Variants in EFCAB8 observed in about 807,000 individuals in gnomAD.
EFCAB8 encodes EF-hand calcium-binding domain-containing protein 8.
A neutral mutation model predicts 116.3 loss-of-function variants in EFCAB8; 100 were observed. The ratio of observed to expected loss-of-function variants is 0.86; its 90% CI spans 0.73 to 1.02. The LOEUF is 1.02. Among genes scored for constraint, EFCAB8 ranks in the 50% least tolerant of loss-of-function variants. EFCAB8 has a pLI of 0.00. For missense variants in EFCAB8, 1,320 were observed against 1,416.9 expected (o/e 0.93, Z 1.10); for synonymous variants, 558 against 567.9 (o/e 0.98, Z 0.25).
intron 9 of EFCAB8, among the ~76,000 whole-genome samples, chr20:32,895,598 G>A (rs1986121839): frequency 6.9e-6 from 1 of 145,614 alleles, no homozygotes; most frequent in South Asian, 2.2e-4. Flanking sequence ...TTAAGGCAGA[G>A]TCTTGCTCTA....
chr20:32,887,923 A>T (rs1301925946), intron 6 of EFCAB8, among the ~76,000 whole-genome samples: 1 of 152,192 alleles, frequency 6.6e-6, no homozygotes, highest in Non-Finnish European at 1.5e-5. Flanking sequence ...GCAGATGGAA[A>T]ATAGGATTCA....
intron 5 of EFCAB8, among the ~76,000 whole-genome samples, chr20:32,879,626 A>G (rs971818154): frequency 1.3e-5 from 2 of 152,128 alleles, no homozygotes; most frequent in Non-Finnish European, 2.9e-5. Context: ...GCTAGGTTCA[A>G]TGGAGGGTGG....
intron 11 of EFCAB8, among the ~76,000 whole-genome samples, chr20:32,900,554 T>A (rs538849154): frequency 4.1e-4 from 63 of 152,074 alleles, no homozygotes; most frequent in African/African-American, 9.6e-4. Flanking sequence ...TTTCATTTTT[T>A]AATTTTTATT....
intron 19 of EFCAB8, among the ~76,000 whole-genome samples, chr20:32,919,294 G>A (rs895326698): frequency 3.0e-4 from 45 of 152,010 alleles, no homozygotes; most frequent in Non-Finnish European, 2.2e-4. Context: ...AAACACCACC[G>A]TCCCCAAACA....
At chr20:32,879,568 C>G (rs1450520808) in intron 5 of EFCAB8, among the ~76,000 whole-genome samples, 1 of 152,114 alleles carries the variant, frequency 6.6e-6, no homozygotes, top group African/African-American at 2.4e-5. Context: ...ACGGGAGCCT[C>G]TGTAGGAAAT....
At chr20:32,897,670 C>A (rs1482665781) in intron 10 of EFCAB8, among the ~76,000 whole-genome samples, 2 of 152,088 alleles carry the variant, frequency 1.3e-5, no homozygotes, top group Non-Finnish European at 2.9e-5. Context: ...ACCTTGGCCT[C>A]CCAAAGTGCT....
chr20:32,954,436 A>G (rs1204735058), intron 23 of EFCAB8, among the ~76,000 whole-genome samples: 1 of 152,126 alleles, frequency 6.6e-6, no homozygotes, highest in East Asian at 1.9e-4. Context: ...TCATTTGGCT[A>G]TATATGTGAG....
At chr20:32,893,432 C>A (rs535642074) in intron 9 of EFCAB8, 134 bp downstream of exon 9, 3 of 1,320,814 alleles carry the variant, frequency 2.3e-6, no homozygotes, top group Admixed American at 2.4e-5. Flanking sequence ...TGCTTCCAAG[C>A]GCAGGGTGCA....
chr20:32,917,453 C>T lies in EFCAB8; in HGVS notation c.2009C>T (p.Pro670Leu). ...ILFWNTGTLK[P>L]IFNFNASRSP... ...TTCTGGAACACCGGCACACTCAAGC[C>T]CATCTTCAACTTCAATGCCTCTAGG... Residue 670 changes from proline (P) to leucine (L), a missense_variant, in exon 18 of 27, where the codon CCC (proline) becomes CTC (leucine). Transcript: ENST00000400522. 1 of 1,552,146 alleles carries T rather than the reference C, an allele frequency of 6.4e-7. No individual in the cohort carries two copies. Among genetic ancestry groups the T allele is most frequent in the Non-Finnish European group, 8.7e-7 (1 of 1,147,088 alleles).
chr20:32,872,964 C>T lies in EFCAB8; in HGVS notation c.209-2962C>T, dbSNP rs180907314. ...AAAATTAGCCGAGTGTGATGGTGGG[C>T]GCCTGTAATCCCAGCTACTTGGGAG... On this transcript the variant is annotated intron_variant, in intron 3 of 26. Coordinates refer to ENST00000400522, the MANE Select transcript of EFCAB8 (RefSeq NM_001143967.2). Among the ~76,000 whole-genome samples, 469 of 148,880 alleles carry T rather than the reference C, an allele frequency of 3.2e-3. 7 individuals carry two copies. Among genetic ancestry groups the T allele is most frequent in the African/African-American group, 0.011 (445 of 40,150 alleles).
intron 11 of EFCAB8, among the ~76,000 whole-genome samples, chr20:32,901,390 A>G (rs1296524448): frequency 1.3e-5 from 2 of 152,272 alleles, no homozygotes; most frequent in African/African-American, 4.8e-5. Flanking sequence ...GTTGGGCCAC[A>G]TTCAGAGCTG....
At chr20:32,923,410 C>T (rs537125868) in intron 20 of EFCAB8, among the ~76,000 whole-genome samples, 1 of 148,128 alleles carries the variant, frequency 6.8e-6, no homozygotes, top group Non-Finnish European at 1.5e-5. Context: ...TGATTGAACC[C>T]GGGAGGCGGA....
intron 5 of EFCAB8, among the ~76,000 whole-genome samples, chr20:32,881,458 A>G (rs968572511): frequency 2.6e-5 from 4 of 152,080 alleles, no homozygotes; most frequent in African/African-American, 9.7e-5. Context: ...CGGCCTCCCA[A>G]AGTGTTGGGA....
In EFCAB8 at chr20:32,961,474, A is replaced by G; in HGVS notation, c.3732A>G (p.Pro1244=). Residue 1244 remains proline, a synonymous_variant, in exon 27 of 27, where the codon CCA becomes CCG. Transcript: ENST00000400522. The part of the protein sequence containing the change: ...ASTAHSTPSV[P]SPVSKSTLQG... ...CAGCCCATTCCACCCCCTCGGTCCC[A>G]TCCCCGGTGTCCAAGTCCACCCTGC... The G allele has an allele frequency of 6.9e-7, 1 of 1,448,640 alleles. No individual in the cohort carries two copies. The highest frequency in any genetic ancestry group is 9.1e-7 in the Non-Finnish European group (1 of 1,097,256). The allele number at this position is 1,448,640 out of a possible 1,614,324, so 89.7% of individuals were successfully genotyped here. A position where few individuals can be genotyped will look rare whatever the true frequency, so the allele number is the denominator to read the frequency against.
In EFCAB8 at chr20:32,960,122, C is replaced by T. The variant is rs1169704859; in HGVS notation, c.3354C>T (p.Phe1118=). Residue 1118 remains phenylalanine, a synonymous_variant, in exon 26 of 27, where the codon TTC becomes TTT. Transcript: ENST00000400522. ...KPKERLQNTR[F]LSTRVPYGWM... ...AGGAACGCTTGCAGAATACCAGGTT[C>T]CTGTCCACCAGGGTGCCATATGGCT... 6.4e-7 allele frequency: 1 copy of T among 1,551,740 alleles called. No individual in the cohort carries two copies. The highest frequency in any genetic ancestry group is 8.7e-7 in the Non-Finnish European group (1 of 1,146,992).
chr20:32,937,679 T>TG (rs1484248080), intron 22 of EFCAB8, among the ~76,000 whole-genome samples: 14 of 150,800 alleles, frequency 9.3e-5, no homozygotes, highest in Non-Finnish European at 1.3e-4. Flanking sequence ...AGTACAATGG[T>TG]GTGATCTTGA....
chr20:32,911,500 C>A lies in EFCAB8; in HGVS notation c.1578C>A (p.Arg526=), dbSNP rs375571922. 8.5e-4 allele frequency: 1,266 copies of A among 1,495,366 alleles called. 25 individuals are homozygous for A. The South Asian group carries it at 0.015, about 18-fold the overall frequency. 92.6% of individuals were successfully genotyped at this position (1,495,366 alleles called of 1,614,324 possible). A position where few individuals can be genotyped will look rare whatever the true frequency, so the allele number is the denominator to read the frequency against. The change falls in exon 16 of 27, where the codon CGC becomes CGA. Residue 526 remains arginine (R), a synonymous_variant. Transcript: ENST00000400522. The stretch of plus-strand genomic sequence containing the variant: ...TACAGGTGGTGAGTGGCTGCCTGCG[C>A]GGCACAGTGAGTGTGTGGGAGGTCG... ...IFKQVVSGCL[R]GTVSVWEVVT... is the part of the protein sequence containing the mutation.
intron 4 of EFCAB8, among the ~76,000 whole-genome samples, chr20:32,876,620 T>A (rs1176663153): frequency 6.6e-6 from 1 of 152,346 alleles, no homozygotes; most frequent in East Asian, 1.9e-4. Context: ...AAGCTCTCTA[T>A]GTATTATTTT....
At chr20:32,936,350 A>G (rs1388372523) in intron 22 of EFCAB8, among the ~76,000 whole-genome samples, 2 of 151,940 alleles carry the variant, frequency 1.3e-5, no homozygotes, top group African/African-American at 4.8e-5. Flanking sequence ...TGCTTTTATT[A>G]CCTGTGCTTT....
Sources: gnomAD v4.1 joint callset for allele counts (sites outside exome capture counted in the v4.1 genomes callset) on GRCh38, gnomAD v4.1.1 for gene constraint, MANE v1.5 for transcripts, NCBI Gene and HGNC (gene_info 2026-07-23, HGNC 2026-07-21) for gene names.